Variants in GPM6A observed in about 807,000 individuals in gnomAD.
The protein encoded by GPM6A is neuronal membrane glycoprotein M6-a.
Under a neutral mutation model 32.1 loss-of-function variants are expected in GPM6A, and 7 were observed. The ratio of observed to expected loss-of-function variants is 0.22; its 90% CI spans 0.12 to 0.41. GPM6A has a LOEUF of 0.41. Among genes scored for constraint, GPM6A ranks in the 10% least tolerant of loss-of-function variants. GPM6A has a pLI of 1.00. For missense variants in GPM6A, 235 were observed against 347.2 expected, an observed-to-expected ratio of 0.68 and a Z score of 2.57; for synonymous variants, 130 against 123.4, an observed-to-expected ratio of 1.05 and a Z score of -0.35.
intron 1 of GPM6A, among the ~76,000 whole-genome samples, chr4:175,841,372 A>T (rs1409427679): frequency 3.3e-5 from 5 of 152,142 alleles, no homozygotes; most frequent in Non-Finnish European, 7.4e-5. Context: ...ATTCATATTT[A>T]ATGTACGCGC....
At chr4:175,709,909 A>T (rs574315476) in intron 1 of GPM6A, among the ~76,000 whole-genome samples, 4 of 152,060 alleles carry the variant, frequency 2.6e-5, no homozygotes, top group African/African-American at 9.6e-5. Flanking sequence ...AGAATAAAAA[A>T]CACCAGGGAA....
chr4:175,753,577 A>G (rs1446687779), intron 1 of GPM6A, among the ~76,000 whole-genome samples: 1 of 152,094 alleles, frequency 6.6e-6, no homozygotes, highest in Non-Finnish European at 1.5e-5. Context: ...GGTCCCAGTT[A>G]TCACCCTCCC....
chr4:175,803,078 T>C (rs1734535952), intron 1 of GPM6A, among the ~76,000 whole-genome samples: 1 of 152,124 alleles, frequency 6.6e-6, no homozygotes, highest in African/African-American at 2.4e-5. Flanking sequence ...TTCTTTAGTC[T>C]GCACAATTGA....
At chr4:175,654,464 A>G (rs1741968198) in intron 3 of GPM6A, 1 of 152,192 alleles carries the variant, frequency 6.6e-6, no homozygotes, top group Non-Finnish European at 1.5e-5. Context: ...TCTGACAAAA[A>G]TATTAGCTAT....
intron 2 of GPM6A, among the ~76,000 whole-genome samples, chr4:175,691,909 C>T (rs925000651): frequency 6.6e-6 from 1 of 152,178 alleles, no homozygotes; most frequent in Non-Finnish European, 1.5e-5. Flanking sequence ...AGATGCCACA[C>T]TGCTGGCTTT....
At chr4:175,819,186 T>C (rs1735201440) in intron 1 of GPM6A, among the ~76,000 whole-genome samples, 1 of 152,160 alleles carries the variant, frequency 6.6e-6, no homozygotes, top group African/African-American at 2.4e-5. Flanking sequence ...GGCCTCTGTT[T>C]ACTCAAAATC....
intron 1 of GPM6A, among the ~76,000 whole-genome samples, chr4:176,001,374 T>A (rs893542326): frequency 6.6e-6 from 1 of 152,190 alleles, no homozygotes; most frequent in African/African-American, 2.4e-5. Context: ...GCATCTCCCC[T>A]GCGCCTGTGG....
At chr4:175,948,211 T>C (rs1428819574) in intron 1 of GPM6A, among the ~76,000 whole-genome samples, 1 of 152,218 alleles carries the variant, frequency 6.6e-6, no homozygotes, top group South Asian at 2.1e-4. Context: ...CCCTGAAAGT[T>C]CACATGTTGA....
chr4:175,866,453 C>A (rs1736738667), intron 1 of GPM6A, among the ~76,000 whole-genome samples: 1 of 152,134 alleles, frequency 6.6e-6, no homozygotes, highest in African/African-American at 2.4e-5. Flanking sequence ...CCCCTGACAA[C>A]AAAGATATTT....
At chr4:175,851,227 G>A (rs1007867672) in intron 1 of GPM6A, among the ~76,000 whole-genome samples, 1 of 151,758 alleles carries the variant, frequency 6.6e-6, no homozygotes, top group Non-Finnish European at 1.5e-5. Context: ...TGTGGTGGCG[G>A]GCACCTGTAA....
rs1561027738 is a variant in GPM6A at position 175,996,013 on chromosome 4, C to A, written c.-23+6296G>T. Among the ~76,000 whole-genome samples, 4 of 152,244 alleles carry A rather than the reference C, an allele frequency of 2.6e-5. No homozygotes were observed. In the East Asian group the frequency reaches 5.8e-4, roughly 22 times the overall value. ...TGCAGTATTTACCCTTGTCTCCTCACCTCTTGTCAAACAGTTGAAAATAGA... is the reference window on the plus strand; with the variant it reads ...TGCAGTATTTACCCTTGTCTCCTCAACTCTTGTCAAACAGTTGAAAATAGA... On this transcript the variant is annotated intron_variant, in intron 1 of 7. Coordinates refer to the GPM6A transcript ENST00000280187.
chr4:175,804,361 C>T (rs985417482), intron 1 of GPM6A, among the ~76,000 whole-genome samples: 34 of 152,204 alleles, frequency 2.2e-4, no homozygotes, highest in African/African-American at 8.2e-4. Context: ...TTCTGCCCAC[C>T]TCATAATCTT....
At chr4:175,793,372 T>C (rs993670242) in intron 1 of GPM6A, among the ~76,000 whole-genome samples, 14 of 146,662 alleles carry the variant, frequency 9.5e-5, no homozygotes, top group Admixed American at 2.7e-4. Flanking sequence ...TTCTATTTAT[T>C]TATTTATTTA....
At chr4:175,819,351 T>C (rs2111346658) in intron 1 of GPM6A, among the ~76,000 whole-genome samples, 1 of 152,360 alleles carries the variant, frequency 6.6e-6, no homozygotes, top group Non-Finnish European at 1.5e-5. Context: ...GACTACTAGG[T>C]ATCTGAAGCT....
At position 175,734,151 on chromosome 4, in the gene GPM6A, TA is replaced by T. The variant is rs1257482492; in HGVS notation, c.38-32385del. Among the ~76,000 whole-genome samples the T allele has an allele frequency of 3.7e-3, 538 of 143,664 alleles. 5 individuals are homozygous for T. Among genetic ancestry groups the T allele is most frequent in the East Asian group, 8.9e-3 (39 of 4,362 alleles). 94.2% of individuals were successfully genotyped at this position (143,664 alleles called of 152,430 possible). A position where few individuals can be genotyped will look rare whatever the true frequency, so the allele number is the denominator to read the frequency against. On this transcript the variant is annotated intron_variant, in intron 1 of 6. Transcript: ENST00000393658. ...AATTTTTGCCATATATATATATATA[TA>T]TATATATATTTTTTAATTTCAACAT...
Position 175,743,874 on chromosome 4 carries a change from A to C in GPM6A, c.38-42107T>G, listed in dbSNP as rs554592790. On this transcript the variant is annotated intron_variant, in intron 1 of 6. Transcript: ENST00000393658. ...TAAACAACATCAAGTATATAATGTA[A>C]TAACTATCAGAATTGAAAGGAAAAT... 3.3e-5 allele frequency among the ~76,000 whole-genome samples: 5 copies of C among 152,088 alleles called. No homozygotes were observed. In the East Asian group the frequency reaches 9.6e-4, roughly 29 times the overall value.
At chr4:175,896,065 A>G (rs1435123669) in intron 1 of GPM6A, among the ~76,000 whole-genome samples, 6 of 152,228 alleles carry the variant, frequency 3.9e-5, no homozygotes, top group Non-Finnish European at 8.8e-5. Flanking sequence ...AAAAGCGTGA[A>G]CCACATATTA....
At chr4:175,703,321 G>GCA (rs1744984417) in intron 1 of GPM6A, among the ~76,000 whole-genome samples, 1 of 151,892 alleles carries the variant, frequency 6.6e-6, no homozygotes, top group African/African-American at 2.4e-5. Context: ...ACTGGCGCAC[G>GCA]TCACCACACC....
chr4:175,813,206 A>T (rs1448342311), upstream of GPM6A: 1 of 358,236 alleles, frequency 2.8e-6, no homozygotes, highest in Non-Finnish European at 3.9e-6. Flanking sequence ...TTTAAAGGTC[A>T]GTGTTAGGGA....
Sources: allele counts gnomAD v4.1 joint callset (sites outside exome capture counted in the v4.1 genomes callset), GRCh38; gene constraint gnomAD v4.1.1; transcripts MANE v1.5; gene names NCBI Gene and HGNC (gene_info 2026-07-23, HGNC 2026-07-21).